Variants in CCDC148 observed in about 807,000 individuals in gnomAD.
CCDC148 encodes coiled-coil domain containing 148.
CCDC148 carries 89 observed loss-of-function variants against 85.7 expected under a neutral mutation model. The observed-to-expected ratio is 1.04, with a 90% CI of 0.87 to 1.24. The LOEUF (loss-of-function observed/expected upper bound fraction) is 1.24, where lower values mean the gene tolerates loss of function less well. Ranked by LOEUF, CCDC148 falls within the 50% of genes most tolerant of loss-of-function variation. The pLI, the probability that CCDC148 is intolerant of heterozygous loss-of-function variation, is 0.00. For synonymous variants in CCDC148, 230 were observed against 213.9 expected, an observed-to-expected ratio of 1.08 and a Z score of -0.66; for missense variants, 692 against 671.7, an observed-to-expected ratio of 1.03 and a Z score of -0.33.
rs371121755 is a variant in CCDC148 at position 158,274,316 on chromosome 2, T to C, written c.1111-23404A>G. Among the ~76,000 whole-genome samples the C allele has an allele frequency of 8.4e-4, 128 of 152,298 alleles. 1 individual carries two copies. The highest frequency in any genetic ancestry group is 3.0e-3 in the African/African-American group (126 of 41,560). On this transcript the variant is annotated intron_variant, in intron 9 of 13. Transcript: ENST00000283233. ...TAAAGTATGAAAAGATGTTATAGAC[T>C]ATGTCCCTGAATTTTTCCATTTTAG...
chr2:158,438,172 T>C (rs964094551), intron 1 of CCDC148, among the ~76,000 whole-genome samples: 4 of 151,962 alleles, frequency 2.6e-5, no homozygotes, highest in African/African-American at 9.7e-5. Context: ...GCCAAGACAA[T>C]CCTAAGCCAA....
chr2:158,451,269 T>TA (rs1350553513), intron 1 of CCDC148, among the ~76,000 whole-genome samples: 4 of 152,222 alleles, frequency 2.6e-5, no homozygotes, highest in Admixed American at 1.3e-4. Flanking sequence ...TGGGGTCACT[T>TA]AGAGTATCTA....
chr2:158,260,557 A>G (rs143589306), intron 9 of CCDC148, among the ~76,000 whole-genome samples: 1 of 152,088 alleles, frequency 6.6e-6, no homozygotes, highest in African/African-American at 2.4e-5. Flanking sequence ...AAATAGAAAG[A>G]GAGGAAGTCG....
intron 1 of CCDC148, among the ~76,000 whole-genome samples, chr2:158,436,735 A>G (rs1013968195): frequency 2.6e-5 from 4 of 152,212 alleles, no homozygotes; most frequent in Non-Finnish European, 4.4e-5. Context: ...CGCTAGCAAG[A>G]CTAATAAAAA....
At chr2:158,330,253 C>T (rs182422325) in intron 7 of CCDC148, among the ~76,000 whole-genome samples, 3 of 152,294 alleles carry the variant, frequency 2.0e-5, no homozygotes, top group Admixed American at 6.5e-5. Flanking sequence ...TTTTCTGCAT[C>T]TATTGAGATA....
chr2:158,184,701 T>C (rs1041868813), intron 11 of CCDC148, among the ~76,000 whole-genome samples: 1 of 152,150 alleles, frequency 6.6e-6, no homozygotes, highest in Non-Finnish European at 1.5e-5. Context: ...CAGGCCCAAG[T>C]ACTGTATTTT....
chr2:158,187,915 T>C (rs1685230881), intron 11 of CCDC148, among the ~76,000 whole-genome samples: 1 of 152,022 alleles, frequency 6.6e-6, no homozygotes, highest in Non-Finnish European at 1.5e-5. Flanking sequence ...ATCTCTCAAG[T>C]GTAACTATAT....
intron 7 of CCDC148, among the ~76,000 whole-genome samples, chr2:158,328,358 G>C (rs1192528950): frequency 6.6e-6 from 1 of 152,024 alleles, no homozygotes; most frequent in Admixed American, 6.6e-5. Flanking sequence ...ATTTTTTATG[G>C]CTGCATAGTG....
intron 7 of CCDC148, among the ~76,000 whole-genome samples, chr2:158,315,631 C>T (rs1348033903): frequency 1.3e-5 from 2 of 152,096 alleles, no homozygotes; most frequent in African/African-American, 4.8e-5. Flanking sequence ...ATAATGGATA[C>T]TGTTGGTACC....
chr2:158,311,906 G>C (rs1302644076), intron 8 of CCDC148, among the ~76,000 whole-genome samples: 2 of 152,164 alleles, frequency 1.3e-5, no homozygotes, highest in Non-Finnish European at 2.9e-5. Context: ...GGAATTAGCA[G>C]TCTTGAGGGA....
At chr2:158,225,868 T>C (rs1167068440) in intron 10 of CCDC148, among the ~76,000 whole-genome samples, 3 of 151,958 alleles carry the variant, frequency 2.0e-5, no homozygotes, top group East Asian at 1.9e-4. Flanking sequence ...GATCCAAAAT[T>C]GACACCCTAA....
At chr2:158,261,119 T>C (rs1689203154) in intron 9 of CCDC148, among the ~76,000 whole-genome samples, 1 of 151,964 alleles carries the variant, frequency 6.6e-6, no homozygotes, top group Non-Finnish European at 1.5e-5. Context: ...CTTCAAACTA[T>C]ACTACAGGGC....
intron 11 of CCDC148, among the ~76,000 whole-genome samples, chr2:158,197,110 A>G (rs530938162): frequency 2.6e-4 from 39 of 152,314 alleles, no homozygotes; most frequent in African/African-American, 8.7e-4. Flanking sequence ...GAAAGTGATC[A>G]TGGAGAATGA....
chr2:158,226,304 C>T (rs1433488795), intron 10 of CCDC148, among the ~76,000 whole-genome samples: 2 of 152,064 alleles, frequency 1.3e-5, no homozygotes, highest in Non-Finnish European at 2.9e-5. Flanking sequence ...GAAATTGAGG[C>T]AATAATTAAT....
At chr2:158,206,994 G>A (rs1174762138) in intron 11 of CCDC148, among the ~76,000 whole-genome samples, 1 of 152,022 alleles carries the variant, frequency 6.6e-6, no homozygotes, top group Non-Finnish European at 1.5e-5. Context: ...TCCTTAACAT[G>A]GTATAATACC....
intron 1 of CCDC148, among the ~76,000 whole-genome samples, chr2:158,426,378 T>C (rs986584915): frequency 1.3e-5 from 2 of 152,138 alleles, no homozygotes; most frequent in Non-Finnish European, 2.9e-5. Context: ...AAAGTCATGA[T>C]AGTAAATATC....
chr2:158,424,913 G>T (rs1274932026), intron 1 of CCDC148: 5 of 274,266 alleles, frequency 1.8e-5, no homozygotes, highest in Non-Finnish European at 3.6e-5. Context: ...TAACGAAATT[G>T]TTAGACAGCA....
At position 158,427,155 on chromosome 2, in the gene CCDC148, T is replaced by C. The variant is rs548532452; in HGVS notation, c.25+29260A>G. ...CTATAATTTCAATAAAATATAAGCC[T>C]CATTTTAAAAGGCCATAAATAGTCA... On this transcript the variant is annotated intron_variant, in intron 1 of 13. Transcript: ENST00000283233. 2.6e-5 allele frequency among the ~76,000 whole-genome samples: 4 copies of C among 152,306 alleles called. No homozygotes were observed. In the South Asian group the frequency reaches 8.3e-4, roughly 32 times the overall value.
At chr2:158,211,881 G>A (rs1355316399) in intron 11 of CCDC148, among the ~76,000 whole-genome samples, 1 of 152,094 alleles carries the variant, frequency 6.6e-6, no homozygotes, top group African/African-American at 2.4e-5. Flanking sequence ...TATCCTCTCT[G>A]TCAATCATGC....
Sources: allele counts gnomAD v4.1 joint callset (sites outside exome capture counted in the v4.1 genomes callset), GRCh38; gene constraint gnomAD v4.1.1; transcripts MANE v1.5; gene names NCBI Gene and HGNC (gene_info 2026-07-23, HGNC 2026-07-21).